The following WBP2NL variants were observed in gnomAD, a reference collection of about 807,000 sequenced individuals.
The protein encoded by WBP2NL is WBP2 N-terminal like.
WBP2NL carries 27 observed loss-of-function variants against 23.3 expected under a neutral mutation model. That is an observed-to-expected ratio of 1.16 (90% confidence interval 0.85 to 1.60). The LOEUF (loss-of-function observed/expected upper bound fraction) is 1.60. Ranked by LOEUF, WBP2NL falls within the 40% of genes most tolerant of loss-of-function variation. The pLI is 0.00. For synonymous variants in WBP2NL, 151 were observed against 145.9 expected (o/e 1.03, Z -0.25); for missense variants, 370 against 389.5 (o/e 0.95, Z 0.42).
At chr22:42,034,359 A>C (rs1925100433), downstream of WBP2NL, among the ~76,000 whole-genome samples, 1 of 152,250 alleles carries the variant, frequency 6.6e-6, no homozygotes, top group Non-Finnish European at 1.5e-5. Context: ...GAGACATCAC[A>C]CGTTGGTAGG....
In WBP2NL at chr22:42,027,019, T is replaced by G. The variant is rs1924577011; in HGVS notation, c.768T>G (p.Pro256=). Reference sequence around the variant, plus strand: ...CACCTCTCGGATATGGAGCCCCACCTCTCGGATATGGAGCCCCACCTGCAG... The same window carrying G: ...CACCTCTCGGATATGGAGCCCCACCGCTCGGATATGGAGCCCCACCTGCAG... ...GTPPLGYGAP[P]LGYGAPPAGN... is the part of the protein sequence containing the mutation. The change falls in exon 6 of 6, where the codon CCT becomes CCG. Residue 256 remains proline, a synonymous_variant. Coordinates refer to ENST00000328823, the MANE Select transcript of WBP2NL (RefSeq NM_152613.3). 1 of 1,613,686 alleles carries G rather than the reference T, an allele frequency of 6.2e-7. No homozygotes were observed. Among genetic ancestry groups the G allele is most frequent in the Non-Finnish European group, 8.5e-7 (1 of 1,179,738 alleles).
intron 8 of WBP2NL, among the ~76,000 whole-genome samples, chr22:42,051,592 A>G (rs1301689029): frequency 6.6e-6 from 1 of 152,230 alleles, no homozygotes; most frequent in Admixed American, 6.5e-5. Flanking sequence ...TAGGGGAAAC[A>G]GTGAGTGAAG....
At chr22:42,037,459 A>ATT (rs34867137), downstream of WBP2NL, among the ~76,000 whole-genome samples, 10 of 149,794 alleles carry the variant, frequency 6.7e-5, no homozygotes, top group African/African-American at 1.5e-4. Context: ...GAATTTTAGG[A>ATT]TTTTTTTTTT....
chr22:42,001,933 A>G, intron 1 of WBP2NL: 1 of 1,443,354 alleles, frequency 6.9e-7, no homozygotes, highest in Non-Finnish European at 9.2e-7. Context: ...CCTGCCAGGG[A>G]GTCCTTGGCG....
chr22:42,018,603 C>A (rs58156627), intron 1 of WBP2NL, among the ~76,000 whole-genome samples: 3 of 152,056 alleles, frequency 2.0e-5, no homozygotes, highest in Non-Finnish European at 2.9e-5. Context: ...GGAGAGAGCA[C>A]GACAGGCTGA....
chr22:41,999,008 C>A, intron 1 of WBP2NL, 128 bp downstream of exon 1: 1 of 1,149,282 alleles, frequency 8.7e-7, no homozygotes, highest in Non-Finnish European at 1.2e-6. Flanking sequence ...CTTAGCTCCG[C>A]CCCCGACCTT....
chr22:42,051,861 G>A (rs528857743), intron 8 of WBP2NL, among the ~76,000 whole-genome samples: 2 of 152,252 alleles, frequency 1.3e-5, no homozygotes, highest in South Asian at 2.1e-4. Flanking sequence ...ATTCCTGAGC[G>A]ATAATCCCAT....
intron 1 of WBP2NL, among the ~76,000 whole-genome samples, chr22:42,000,662 C>T (rs1453595760): frequency 6.6e-6 from 1 of 152,036 alleles, no homozygotes; most frequent in East Asian, 1.9e-4. Context: ...GGCGCGGTGG[C>T]CCACGCCTGT....
In WBP2NL at chr22:42,053,024, C is replaced by T. The variant is rs1045619050; in HGVS notation, c.*274-5266C>T. Among the ~76,000 whole-genome samples the T allele has an allele frequency of 3.3e-5, 5 of 152,338 alleles. No homozygotes were observed. The East Asian group carries it at 7.7e-4, about 23-fold the overall frequency. On this transcript the variant is annotated intron_variant and NMD_transcript_variant, in intron 8 of 8. Transcript: ENST00000436265. ...CCTCTTCCCTCCATCCCTTGGCAAC[C>T]ATTTATCTACTTTTTGTCTCTGTAG...
intron 4 of WBP2NL, 134 bp from the exon 5 acceptor site, chr22:42,022,114 AT>A: frequency 1.4e-6 from 1 of 728,226 alleles, no homozygotes; most frequent in Non-Finnish European, 2.3e-6. Flanking sequence ...TTTCTTTTTT[AT>A]CTTGTGTCTC....
intron 1 of WBP2NL, among the ~76,000 whole-genome samples, chr22:42,014,864 T>G (rs1250708235): frequency 6.6e-6 from 1 of 152,240 alleles, no homozygotes; most frequent in Non-Finnish European, 1.5e-5. Context: ...ACTTTGTTTG[T>G]ATTCTTTCTT....
At chr22:42,004,297 A>G (rs1242317738) in intron 1 of WBP2NL, among the ~76,000 whole-genome samples, 4 of 151,934 alleles carry the variant, frequency 2.6e-5, no homozygotes, top group Non-Finnish European at 5.9e-5. Flanking sequence ...ATAAAATTTA[A>G]AAAGAAGGAA....
At chr22:42,009,573 G>T (rs952612054) in intron 1 of WBP2NL, among the ~76,000 whole-genome samples, 5 of 152,150 alleles carry the variant, frequency 3.3e-5, no homozygotes, top group African/African-American at 1.2e-4. Flanking sequence ...TAAATAGATT[G>T]TCTTTTCCTC....
intron 5 of WBP2NL, among the ~76,000 whole-genome samples, chr22:42,023,702 A>C (rs1252604230): frequency 1.3e-5 from 2 of 151,474 alleles, no homozygotes; most frequent in East Asian, 3.9e-4. Flanking sequence ...TCACTGTGTT[A>C]GCCAGGATGG....
intron 8 of WBP2NL, among the ~76,000 whole-genome samples, chr22:42,057,455 C>T (rs1427493265): frequency 1.3e-5 from 2 of 151,916 alleles, no homozygotes; most frequent in African/African-American, 4.8e-5. Context: ...TTAGACCCGG[C>T]TTCCTTTGGC....
downstream of WBP2NL, chr22:42,032,715 T>C: frequency 2.1e-6 from 1 of 469,190 alleles, no homozygotes; most frequent in Non-Finnish European, 4.4e-6. Context: ...CTGAAGAGGG[T>C]GGGGCAGACA....
intron 1 of WBP2NL, among the ~76,000 whole-genome samples, chr22:42,012,596 A>G (rs929101309): frequency 1.4e-4 from 21 of 152,176 alleles, no homozygotes; most frequent in Admixed American, 2.0e-4. Flanking sequence ...TTTCAAATCT[A>G]CTAGTAAAGA....
At chr22:42,003,586 A>G (rs1468243607) in intron 1 of WBP2NL, 7 of 152,238 alleles carry the variant, frequency 4.6e-5, no homozygotes, top group Admixed American at 4.6e-4. Flanking sequence ...TACTTTGTAT[A>G]CAAATAAAAG....
chr22:42,057,909 T>A (rs1261326474), intron 8 of WBP2NL, among the ~76,000 whole-genome samples: 34 of 55,052 alleles, frequency 6.2e-4, no homozygotes, highest in African/African-American at 2.9e-3. Context: ...ATATTTTTTT[T>A]TTTTTTTTTT....
Sources: allele counts gnomAD v4.1 joint callset (sites outside exome capture counted in the v4.1 genomes callset), GRCh38; gene constraint gnomAD v4.1.1; transcripts MANE v1.5; gene names NCBI Gene and HGNC (gene_info 2026-07-23, HGNC 2026-07-21).